Variants in GALNT18 observed in about 807,000 individuals in gnomAD.
The protein encoded by GALNT18 is GalNAc-transferase 18.
A neutral mutation model predicts 69.5 loss-of-function variants in GALNT18; 44 were observed. That is an observed-to-expected ratio of 0.63 (90% CI 0.50 to 0.81). The LOEUF (loss-of-function observed/expected upper bound fraction) is 0.81. GALNT18 is among the 40% of genes least tolerant of loss of function. The pLI is 0.00. For missense variants in GALNT18, 715 were observed against 810.0 expected (o/e 0.88, Z 1.42); for synonymous variants, 364 against 318.2 (o/e 1.14, Z -1.53).
intron 1 of GALNT18, among the ~76,000 whole-genome samples, chr11:11,524,642 G>A (rs546208582): frequency 1.3e-5 from 2 of 152,296 alleles, no homozygotes; most frequent in Admixed American, 6.5e-5. Flanking sequence ...GCAGAGCTGT[G>A]GCAGCCACAA....
At chr11:11,355,586 A>T (rs1850514379) in intron 6 of GALNT18, among the ~76,000 whole-genome samples, 1 of 152,226 alleles carries the variant, frequency 6.6e-6, no homozygotes, top group Non-Finnish European at 1.5e-5. Flanking sequence ...TTATTTATAT[A>T]TGCCAAATGT....
rs115916895 is a variant in GALNT18 at position 11,576,529 on chromosome 11, C to T, written c.235+44830G>A. ...GGCATGTACTCTAGGTCATCCCAGG[C>T]ACTCTGAATGTGCAACTTTTGTGTA... On this transcript the variant is annotated intron_variant, in intron 1 of 10. Transcript: ENST00000227756. 9.3e-3 allele frequency among the ~76,000 whole-genome samples: 1,416 copies of T among 152,314 alleles called. 20 individuals carry two copies. Among genetic ancestry groups the T allele is most frequent in the African/African-American group, 0.032 (1,350 of 41,554 alleles).
At chr11:11,578,793 G>T (rs998829546) in intron 1 of GALNT18, among the ~76,000 whole-genome samples, 11 of 152,196 alleles carry the variant, frequency 7.2e-5, no homozygotes, top group Admixed American at 2.6e-4. Context: ...ATCAATGAAG[G>T]GGAGAAGAAA....
At chr11:11,534,287 C>T (rs572420246) in intron 1 of GALNT18, among the ~76,000 whole-genome samples, 4 of 152,290 alleles carry the variant, frequency 2.6e-5, no homozygotes, top group Admixed American at 6.5e-5. Flanking sequence ...CAAAGAGACA[C>T]ACAATGACCA....
chr11:11,456,514 G>T (rs1324691173), intron 1 of GALNT18, among the ~76,000 whole-genome samples: 1 of 152,190 alleles, frequency 6.6e-6, no homozygotes, highest in Admixed American at 6.5e-5. Flanking sequence ...CAGGTGCTCT[G>T]GCCCTTTTCT....
intron 10 of GALNT18, among the ~76,000 whole-genome samples, chr11:11,284,430 T>G (rs369709745): frequency 6.6e-6 from 1 of 152,116 alleles, no homozygotes. Flanking sequence ...CCAGGTGCTG[T>G]TTCATTGGTG....
intron 10 of GALNT18, 77 bp downstream of exon 10, chr11:11,292,952 C>T: frequency 1.6e-6 from 2 of 1,284,486 alleles, no homozygotes; most frequent in Non-Finnish European, 2.0e-6. Flanking sequence ...TCTCCTCCAC[C>T]ACCTCCCTGG....
Position 11,389,086 on chromosome 11 carries a change from A to T in GALNT18, c.596-9822T>A, listed in dbSNP as rs1206251165. On this transcript the variant is annotated intron_variant, in intron 3 of 10. Coordinates refer to ENST00000227756, the MANE Select transcript of GALNT18 (RefSeq NM_198516.3). The surrounding 1 kb of genome is among the most constrained non-coding windows in gnomAD (Gnocchi z 4.3). ...CAGAGCTGAAAAGCAAACCCAGGCA[A>T]CCTGAAGATAATAACCTCATTATTA... Among the ~76,000 whole-genome samples the T allele has an allele frequency of 6.6e-6, 1 of 152,222 alleles. No homozygotes were observed. The highest frequency in any genetic ancestry group is 1.5e-5 in the Non-Finnish European group (1 of 68,052).
chr11:11,476,436 G>A (rs2133862007), intron 1 of GALNT18: 1 of 152,290 alleles, frequency 6.6e-6, no homozygotes, highest in South Asian at 2.1e-4. Flanking sequence ...TCAGAAGGCA[G>A]AAATTTCTCC....
At chr11:11,551,989 A>G (rs1449830308) in intron 1 of GALNT18, among the ~76,000 whole-genome samples, 1 of 152,218 alleles carries the variant, frequency 6.6e-6, no homozygotes, top group East Asian at 1.9e-4. Flanking sequence ...ACAAATCACA[A>G]TGGCGGAATG....
chr11:11,408,400 C>T (rs796071248), intron 3 of GALNT18, among the ~76,000 whole-genome samples: 3 of 149,770 alleles, frequency 2.0e-5, no homozygotes, highest in African/African-American at 4.9e-5. Flanking sequence ...AGGAATATAC[C>T]GCCATGTGGC....
chr11:11,429,368 C>T (rs558390659), intron 3 of GALNT18, among the ~76,000 whole-genome samples: 8 of 152,332 alleles, frequency 5.3e-5, no homozygotes, highest in South Asian at 2.1e-4. Flanking sequence ...TTCTAACTTT[C>T]GGTTCTTTCC....
rs1189533534 is a variant in GALNT18, at chr11:11,543,861, T to C, written c.235+77498A>G. On this transcript the variant is annotated intron_variant, in intron 1 of 10. Coordinates refer to ENST00000227756, the MANE Select transcript of GALNT18 (RefSeq NM_198516.3). The surrounding 1 kb of genome is among the most constrained non-coding windows in gnomAD (Gnocchi z 5.1). ...CGCTCTGGGCTCCAATGGCTTCTGG[T>C]AATATTTGCTCTTCCTCACACAGGA... 6.6e-6 allele frequency among the ~76,000 whole-genome samples: 1 copy of C among 152,156 alleles called. No individual in the cohort carries two copies. Among genetic ancestry groups the C allele is most frequent in the Admixed American group, 6.5e-5 (1 of 15,278 alleles).
At chr11:11,450,318 A>G (rs561371262) in intron 1 of GALNT18, among the ~76,000 whole-genome samples, 1 of 152,104 alleles carries the variant, frequency 6.6e-6, no homozygotes, top group African/African-American at 2.4e-5. Context: ...TGAAGTCTTC[A>G]AGGCTGGAGT....
At position 11,500,893 on chromosome 11, in the gene GALNT18, G is replaced by A. The variant is rs1381127618; in HGVS notation, c.236-51957C>T. On this transcript the variant is annotated intron_variant, in intron 1 of 10. Coordinates refer to ENST00000227756, the MANE Select transcript of GALNT18 (RefSeq NM_198516.3). The surrounding 1 kb of genome is among the most constrained non-coding windows in gnomAD (Gnocchi z 5.0). ...GTCTTTTTGCAGAGCCGTGCTGAGC[G>A]GGCAGCCAGGTGCACAGCAGGGATG... Among the ~76,000 whole-genome samples, 2 of 152,118 alleles carry A rather than the reference G, an allele frequency of 1.3e-5. No individual in the cohort carries two copies. Among genetic ancestry groups the A allele is most frequent in the South Asian group, 2.1e-4 (1 of 4,832 alleles).
rs142425382 is a variant in GALNT18 at position 11,332,665 on chromosome 11, A to T, written c.1416+29T>A. 9.3e-3 allele frequency: 14,978 copies of T among 1,611,858 alleles called. 115 individuals carry two copies. Among genetic ancestry groups the T allele is most frequent in the Non-Finnish European group, 9.9e-3 (11,653 of 1,178,198 alleles). On this transcript the variant is annotated intron_variant, in intron 8 of 10. Transcript: ENST00000227756. This position sits in a 1 kb window ranked among gnomAD's most constrained non-coding sequence, Gnocchi z 4.3. ...TATGTTTCTTTCTGTCTGTGTCTGA[A>T]TGAAACCCGGAGGAGGCCAGCTCCT...
intron 1 of GALNT18, among the ~76,000 whole-genome samples, chr11:11,517,487 A>C (rs1219707762): frequency 1.3e-5 from 2 of 152,218 alleles, no homozygotes; most frequent in African/African-American, 4.8e-5. Context: ...CCACACATGC[A>C]CATATATGGA....
At chr11:11,390,328 A>T (rs759479557) in intron 3 of GALNT18, among the ~76,000 whole-genome samples, 1 of 152,138 alleles carries the variant, frequency 6.6e-6, no homozygotes, top group Non-Finnish European at 1.5e-5. Flanking sequence ...CCCCTGTCCC[A>T]GCTCAGCTTC....
chr11:11,524,090 G>C lies in GALNT18; in HGVS notation c.236-75154C>G, dbSNP rs1268186631. Among the ~76,000 whole-genome samples, 3 of 152,044 alleles carry C rather than the reference G, an allele frequency of 2.0e-5. No homozygotes were observed. The East Asian group carries it at 5.8e-4, about 29-fold the overall frequency. On this transcript the variant is annotated intron_variant, in intron 1 of 10. Coordinates refer to ENST00000227756, the MANE Select transcript of GALNT18 (RefSeq NM_198516.3). ...TGTGACTGATGTAGCCCAAGTCATAGACCTGGCCCTAAATCCAAGAAAGGC... is the reference window on the plus strand; with the variant it reads ...TGTGACTGATGTAGCCCAAGTCATACACCTGGCCCTAAATCCAAGAAAGGC...
Sources: gnomAD v4.1 joint callset for allele counts (sites outside exome capture counted in the v4.1 genomes callset) on GRCh38, gnomAD v4.1.1 for gene constraint, Gnocchi (gnomAD v3.1) non-coding constraint, MANE v1.5 for transcripts, NCBI Gene and HGNC (gene_info 2026-07-23, HGNC 2026-07-21) for gene names.